The following SETBP1 variants were observed in gnomAD, a reference collection of about 807,000 sequenced individuals.
SETBP1 encodes SET-binding protein.
SETBP1 carries 9 observed loss-of-function variants against 101.0 expected under a neutral mutation model. The observed-to-expected ratio is 0.09, with a 90% CI of 0.05 to 0.16. The LOEUF (loss-of-function observed/expected upper bound fraction) is 0.16, where lower values mean the gene tolerates loss of function less well. SETBP1 is among the 10% of genes least tolerant of loss of function. The pLI is 1.00. For synonymous variants in SETBP1, 818 were observed against 788.5 expected (o/e 1.04, Z -0.63); for missense variants, 1,858 against 2,033.8 (o/e 0.91, Z 1.66).
intron 2 of SETBP1, among the ~76,000 whole-genome samples, chr18:44,810,454 G>T (rs1250565213): frequency 1.3e-5 from 2 of 152,182 alleles, no homozygotes; most frequent in Non-Finnish European, 2.9e-5. Flanking sequence ...AAAGCAAAAT[G>T]CCTCTTTCCT....
intron 4 of SETBP1, 119 bp from the exon 5 acceptor site, chr18:45,038,366 G>A: frequency 1.1e-6 from 1 of 927,944 alleles, no homozygotes; most frequent in Non-Finnish European, 1.7e-6. Flanking sequence ...CATTCTTGTT[G>A]TACCAGAAGG....
At chr18:44,913,995 T>C (rs565285074) in intron 3 of SETBP1, among the ~76,000 whole-genome samples, 1 of 152,202 alleles carries the variant, frequency 6.6e-6, no homozygotes, top group Non-Finnish European at 1.5e-5. Context: ...AATGCAGGAC[T>C]CAGGATGAGG....
At position 44,950,826 on chromosome 18, in the gene SETBP1, A is replaced by G; in HGVS notation, c.1486A>G (p.Lys496Glu). 6.2e-7 allele frequency: 1 copy of G among 1,614,174 alleles called. No individual in the cohort carries two copies. Reference protein sequence around the residue: ...AEKVIPGGVSKPRKPPMVMTP... With the variant: ...AEKVIPGGVSEPRKPPMVMTP... ...GAAAGTTATCCCAGGAGGTGTGTCTAAGCCGCGGAAGCCACCCATGGTCAT... is the reference window on the plus strand; with the variant it reads ...GAAAGTTATCCCAGGAGGTGTGTCTGAGCCGCGGAAGCCACCCATGGTCAT... The change falls in exon 4 of 6, where the codon AAG becomes GAG. Residue 496 changes from lysine to glutamate, a missense_variant. This residue lies in a region of SETBP1 where 581 missense variants were observed against 535.1 expected (regional missense o/e 1.09). Transcript: ENST00000649279.
rs147768665 is a variant in SETBP1, at chr18:44,950,679, G to T, written c.1339G>T (p.Val447Leu). 2.5e-5 allele frequency: 40 copies of T among 1,614,070 alleles called. No individual in the cohort carries two copies. The highest frequency in any genetic ancestry group is 3.4e-5 in the Non-Finnish European group (40 of 1,180,036). Reference sequence around the variant, plus strand: ...TTCTGGAATCACCATGAGCAGTGAAGTAGTTAACAGGATACTTTCCAACTC... The same window carrying T: ...TTCTGGAATCACCATGAGCAGTGAATTAGTTAACAGGATACTTTCCAACTC... Reference protein sequence around the residue: ...LASGITMSSEVVNRILSNSEG... With the variant: ...LASGITMSSELVNRILSNSEG... Residue 447 changes from valine (V) to leucine (L), a missense_variant, in exon 4 of 6, where the codon GTA becomes TTA. Around this residue, in one of 12 missense-constraint regions of SETBP1, gnomAD observed 581 missense variants for 535.1 expected, o/e 1.09. Transcript: ENST00000649279.
At chr18:44,833,113 G>C (rs1395628545) in intron 2 of SETBP1, among the ~76,000 whole-genome samples, 1 of 152,206 alleles carries the variant, frequency 6.6e-6, no homozygotes, top group Non-Finnish European at 1.5e-5. Context: ...CATGACGTAA[G>C]CCAAGTGCCT....
At chr18:44,876,649 C>G in intron 3 of SETBP1, 1 of 1,551,548 alleles carries the variant, frequency 6.4e-7, no homozygotes, top group Non-Finnish European at 8.7e-7. Flanking sequence ...GTCCCAGGAA[C>G]GTGCCATGTG....
chr18:44,980,436 G>C (rs564213303), intron 4 of SETBP1, among the ~76,000 whole-genome samples: 4 of 151,954 alleles, frequency 2.6e-5, no homozygotes, highest in Admixed American at 2.0e-4. Context: ...AAAGCTTAGA[G>C]GTCATCCAGC....
intron 2 of SETBP1, among the ~76,000 whole-genome samples, chr18:44,785,156 C>A (rs757799542): frequency 6.6e-6 from 1 of 152,138 alleles, no homozygotes; most frequent in Non-Finnish European, 1.5e-5. Flanking sequence ...AAATACACAT[C>A]ATGTACACAC....
In SETBP1 at chr18:44,961,705, T is replaced by G. The variant is rs961877032; in HGVS notation, c.4000+8365T>G. On this transcript the variant is annotated intron_variant, in intron 4 of 5. Transcript: ENST00000649279. ...GTAGAAAAGGTAAAGGTTATAGTATTTGAAAAGAGGTAAGAGATTTCAGGT... is the reference window on the plus strand; with the variant it reads ...GTAGAAAAGGTAAAGGTTATAGTATGTGAAAAGAGGTAAGAGATTTCAGGT... 3.9e-5 allele frequency among the ~76,000 whole-genome samples: 6 copies of G among 152,308 alleles called. No homozygotes were observed. In the East Asian group the frequency reaches 1.2e-3, roughly 29 times the overall value.
intron 4 of SETBP1, among the ~76,000 whole-genome samples, chr18:45,030,185 A>T (rs1471561207): frequency 7.2e-6 from 1 of 139,130 alleles, no homozygotes; most frequent in Non-Finnish European, 1.6e-5. Context: ...GATATGTCCC[A>T]TCAATACCTA....
intron 2 of SETBP1, among the ~76,000 whole-genome samples, chr18:44,767,695 G>T (rs1246883030): frequency 1.3e-5 from 2 of 152,218 alleles, no homozygotes; most frequent in Non-Finnish European, 2.9e-5. Context: ...AATCCTGGGG[G>T]AGATGTATGC....
chr18:44,857,961 C>T (rs2073010013), intron 2 of SETBP1, among the ~76,000 whole-genome samples: 1 of 152,072 alleles, frequency 6.6e-6, no homozygotes, highest in African/African-American at 2.4e-5. Context: ...TTGGTTGAGG[C>T]AGGATTGTAT....
intron 3 of SETBP1, among the ~76,000 whole-genome samples, chr18:44,899,761 C>T (rs1178260474): frequency 2.0e-5 from 3 of 152,098 alleles, no homozygotes; most frequent in Non-Finnish European, 4.4e-5. Flanking sequence ...ACTCATCCCT[C>T]TAAGGTAGAA....
At chr18:44,792,970 A>G (rs1029951781) in intron 2 of SETBP1, among the ~76,000 whole-genome samples, 3 of 152,196 alleles carry the variant, frequency 2.0e-5, no homozygotes, top group Non-Finnish European at 4.4e-5. Flanking sequence ...TGAGAATGCA[A>G]GAGCCTTCCA....
intron 3 of SETBP1, among the ~76,000 whole-genome samples, chr18:44,888,182 C>T (rs558828388): frequency 1.3e-5 from 2 of 152,172 alleles, no homozygotes; most frequent in South Asian, 4.1e-4. Context: ...AGTGAGTCAA[C>T]TTGGATAAGT....
chr18:44,795,673 A>T (rs543509961), intron 2 of SETBP1, among the ~76,000 whole-genome samples: 1 of 152,242 alleles, frequency 6.6e-6, no homozygotes, highest in Non-Finnish European at 1.5e-5. Context: ...TATACATACA[A>T]TGTTTTATGC....
At chr18:44,835,898 A>G (rs2072485319) in intron 2 of SETBP1, among the ~76,000 whole-genome samples, 1 of 152,268 alleles carries the variant, frequency 6.6e-6, no homozygotes, top group South Asian at 2.1e-4. Context: ...AGAATGTCTA[A>G]GAATGAAAAT....
intron 2 of SETBP1, among the ~76,000 whole-genome samples, chr18:44,703,348 G>GTTTTTTTTTTTTTTTTTT (rs531974601): frequency 9.7e-5 from 5 of 51,446 alleles, no homozygotes; most frequent in South Asian, 9.6e-4. Flanking sequence ...TTACCATTAG[G>GTTTTTTTTTTTTTTTTTT]TTTTTTTTTT....
At chr18:44,777,702 C>A (rs944512897) in intron 2 of SETBP1, among the ~76,000 whole-genome samples, 2 of 152,188 alleles carry the variant, frequency 1.3e-5, no homozygotes, top group Admixed American at 6.5e-5. Flanking sequence ...GCTCTGGGCT[C>A]CGTATCAGTT....
Sources: allele counts gnomAD v4.1 joint callset (sites outside exome capture counted in the v4.1 genomes callset), GRCh38; gene constraint gnomAD v4.1.1; regional missense constraint gnomAD v4.1.1; transcripts MANE v1.5; gene names NCBI Gene and HGNC (gene_info 2026-07-23, HGNC 2026-07-21).